TRNAU1AP: variants seen among roughly 807,000 people sequenced by gnomAD.
TRNAU1AP encodes tRNA selenocysteine 1 associated protein 1.
Under a neutral mutation model 43.3 loss-of-function variants are expected in TRNAU1AP, and 33 were observed. The ratio of observed to expected loss-of-function variants is 0.76; its 90% CI spans 0.58 to 1.02. The LOEUF is 1.02. TRNAU1AP is among the 50% of genes least tolerant of loss of function. The pLI is 0.00. For synonymous variants in TRNAU1AP, 143 were observed against 129.1 expected (o/e 1.11, Z -0.73); for missense variants, 290 against 362.7 (o/e 0.80, Z 1.63).
intron 2 of TRNAU1AP, among the ~76,000 whole-genome samples, chr1:28,556,580 T>C (rs1029821245): frequency 2.7e-5 from 4 of 150,526 alleles, no homozygotes; most frequent in African/African-American, 4.9e-5. Flanking sequence ...GGCACCATCT[T>C]GGCTCACTGC....
intron 5 of TRNAU1AP, 66 bp from the exon 6 acceptor site, chr1:28,567,222 CTTCTTT>C (rs1665560835): frequency 6.5e-7 from 1 of 1,543,772 alleles, no homozygotes; most frequent in Non-Finnish European, 8.9e-7. Flanking sequence ...CTTATCCTTA[CTTCTTT>C]TTCATGTGTC....
chr1:28,575,076 A>G (rs1030704562), intron 8 of TRNAU1AP, among the ~76,000 whole-genome samples: 1 of 152,168 alleles, frequency 6.6e-6, no homozygotes, highest in African/African-American at 2.4e-5. Context: ...CCCCTGGGAG[A>G]CATTGCCTTC....
intron 8 of TRNAU1AP, among the ~76,000 whole-genome samples, chr1:28,572,677 C>G (rs988448147): frequency 6.6e-6 from 1 of 151,600 alleles, no homozygotes; most frequent in African/African-American, 2.4e-5. Context: ...GCTCACGCCT[C>G]TAATCCCAGC....
At chr1:28,554,956 A>C (rs971807794) in intron 2 of TRNAU1AP, among the ~76,000 whole-genome samples, 3 of 151,846 alleles carry the variant, frequency 2.0e-5, no homozygotes, top group African/African-American at 7.3e-5. Context: ...AAAATTGTGG[A>C]GGATGGGTGC....
intron 6 of TRNAU1AP, among the ~76,000 whole-genome samples, chr1:28,569,618 G>T (rs1008436215): frequency 2.0e-5 from 3 of 151,508 alleles, no homozygotes; most frequent in African/African-American, 7.3e-5. Context: ...CATGAACCCA[G>T]GAGGCAGAGC....
chr1:28,557,310 C>T (rs1665287334), intron 2 of TRNAU1AP, among the ~76,000 whole-genome samples: 1 of 151,404 alleles, frequency 6.6e-6, no homozygotes, highest in Non-Finnish European at 1.5e-5. Flanking sequence ...GTCCCAGCTA[C>T]TCGGGAGGCT....
At chr1:28,566,633 C>G (rs561227620) in intron 5 of TRNAU1AP, among the ~76,000 whole-genome samples, 107 of 151,984 alleles carry the variant, frequency 7.0e-4, no homozygotes, top group Non-Finnish European at 1.3e-3. Flanking sequence ...GTGGTGGGTG[C>G]CTGTAGTCCC....
At chr1:28,569,850 A>T (rs951462588) in intron 6 of TRNAU1AP, among the ~76,000 whole-genome samples, 3 of 149,076 alleles carry the variant, frequency 2.0e-5, no homozygotes, top group Non-Finnish European at 4.4e-5. Context: ...AAAAAAAAAA[A>T]ATTAGCCGGG....
Position 28,564,139 on chromosome 1 carries a change from A to G in TRNAU1AP, c.279-564A>G, listed in dbSNP as rs548806248. ...AGATTAGCTGGGCGTGGTGGTGCGC[A>G]CCTGTTATCCCAGCTGGTCGGCAGG... On this transcript the variant is annotated intron_variant, in intron 4 of 8. Transcript: ENST00000373830. 2.0e-5 allele frequency among the ~76,000 whole-genome samples: 3 copies of G among 152,084 alleles called. No individual in the cohort carries two copies. In the South Asian group the frequency reaches 6.2e-4, roughly 32 times the overall value.
At chr1:28,570,565 T>G (rs186768190) in intron 6 of TRNAU1AP, among the ~76,000 whole-genome samples, 105 of 151,926 alleles carry the variant, frequency 6.9e-4, no homozygotes, top group African/African-American at 1.9e-3. Context: ...GTTTTGTTTT[T>G]TTTTTTAAAC....
rs1665835876 is a variant in TRNAU1AP, at chr1:28,577,901, AT to A, written c.*267del. On this transcript the variant is annotated 3_prime_UTR_variant, in exon 9 of 9. Coordinates refer to ENST00000373830, the MANE Select transcript of TRNAU1AP (RefSeq NM_017846.5). ...AGTTATCCACATAGGACAGTTTGGG[AT>A]TATCCAAAACTGGGATGAGCAGCTT... 6.0e-6 allele frequency: 2 copies of A among 330,912 alleles called. No homozygotes were observed. The highest frequency in any genetic ancestry group is 5.6e-6 in the Non-Finnish European group (1 of 179,770). 20.5% of individuals were successfully genotyped at this position (330,912 alleles called of 1,614,324 possible).
intron 5 of TRNAU1AP, 52 bp downstream of exon 5, chr1:28,564,886 C>T: frequency 6.2e-7 from 1 of 1,610,168 alleles, no homozygotes; most frequent in Middle Eastern, 1.7e-4. Context: ...CAGCCTTTCT[C>T]TCCTGAGTGG....
In TRNAU1AP at chr1:28,563,433, G is replaced by A. The variant is rs569442625; in HGVS notation, c.279-1270G>A. 9.2e-5 allele frequency among the ~76,000 whole-genome samples: 14 copies of A among 151,516 alleles called. No individual in the cohort carries two copies. In the East Asian group the frequency reaches 9.9e-4, roughly 11 times the overall value. On this transcript the variant is annotated intron_variant, in intron 4 of 8. Coordinates refer to ENST00000373830, the MANE Select transcript of TRNAU1AP (RefSeq NM_017846.5). ...CGTGGTGGCTTACACCTGTAATCCCGGCACTTTGGGAGGCCGAGGAGGGTG... is the reference window on the plus strand; with the variant it reads ...CGTGGTGGCTTACACCTGTAATCCCAGCACTTTGGGAGGCCGAGGAGGGTG...
At position 28,564,936 on chromosome 1, in the gene TRNAU1AP, C is replaced by T. The variant is rs996276584; in HGVS notation, c.410+102C>T. On this transcript the variant is annotated intron_variant, in intron 5 of 8. Coordinates refer to ENST00000373830, the MANE Select transcript of TRNAU1AP (RefSeq NM_017846.5). ...GGCCCTGCAGCATGGCGATTAAGAC[C>T]ACAAGCTCTGGAGCCAAACTGCCTG... The T allele has an allele frequency of 3.4e-6, 5 of 1,453,946 alleles. No individual in the cohort carries two copies. The African/African-American group carries it at 5.6e-5, about 16-fold the overall frequency. The allele number at this position is 1,453,946 out of a possible 1,614,324, so 90.1% of individuals were successfully genotyped here. A position where few individuals can be genotyped will look rare whatever the true frequency, so the allele number is the denominator to read the frequency against.
At chr1:28,553,296 T>G (rs1001241034) in intron 1 of TRNAU1AP, 159 bp downstream of exon 1, 22 of 878,138 alleles carry the variant, frequency 2.5e-5, no homozygotes, top group Non-Finnish European at 3.6e-5. Context: ...AGCATCTAAG[T>G]GAAGAGGCTG....
intron 5 of TRNAU1AP, among the ~76,000 whole-genome samples, chr1:28,566,176 A>G (rs1379268050): frequency 1.3e-5 from 2 of 151,608 alleles, no homozygotes; most frequent in East Asian, 1.9e-4. Flanking sequence ...TTAACCAGGC[A>G]TGGTGGTGCG....
intron 6 of TRNAU1AP, among the ~76,000 whole-genome samples, chr1:28,568,813 A>AT (rs34038529): frequency 0.01 from 1,409 of 138,046 alleles, 4 homozygotes; most frequent in Middle Eastern, 0.015. Context: ...TAGTTGAACT[A>AT]TTTTTTTTTT....
chr1:28,573,362 C>T (rs1238279068), intron 8 of TRNAU1AP, among the ~76,000 whole-genome samples: 5 of 150,222 alleles, frequency 3.3e-5, no homozygotes, highest in African/African-American at 1.2e-4. Flanking sequence ...ATATTTAAGC[C>T]TTGCACGGTG....
rs147014667 is a variant in TRNAU1AP, at chr1:28,570,841, G to A, written c.531-335G>A. ...AGCACTTTGGGAGGCTGAGGCAGGC[G>A]GATCACGAGGTCAGGAGATCGAGAC... On this transcript the variant is annotated intron_variant, in intron 6 of 8. Transcript: ENST00000373830. Among the ~76,000 whole-genome samples, 231 of 152,148 alleles carry A rather than the reference G, an allele frequency of 1.5e-3. 9 individuals are homozygous for A. In the East Asian group the frequency reaches 0.041, roughly 27 times the overall value.
Sources: allele counts gnomAD v4.1 joint callset (sites outside exome capture counted in the v4.1 genomes callset), GRCh38; gene constraint gnomAD v4.1.1; transcripts MANE v1.5; gene names NCBI Gene and HGNC (gene_info 2026-07-23, HGNC 2026-07-21).